Variants in RHEBL1 observed in about 807,000 individuals in gnomAD.
RHEBL1 encodes the protein RHEB like 1.
Under a neutral mutation model 27.4 loss-of-function variants are expected in RHEBL1, and 22 were observed. That is an observed-to-expected ratio of 0.80 (90% CI 0.57 to 1.15). The LOEUF is 1.15. Among genes scored for constraint, RHEBL1 ranks in the 50% most tolerant of loss-of-function variants. The pLI, the probability that RHEBL1 is intolerant of heterozygous loss-of-function variation, is 0.00. For missense variants in RHEBL1, 186 were observed against 226.5 expected (o/e 0.82, Z 1.15); for synonymous variants, 85 against 80.8 (o/e 1.05, Z -0.28).
chr12:49,066,748 A>G (rs901732770), intron 3 of RHEBL1, 47 bp from the exon 4 acceptor site: 2 of 1,551,626 alleles, frequency 1.3e-6, no homozygotes, highest in Admixed American at 1.7e-5. Flanking sequence ...AACCACTAAG[A>G]TGGCAAAGGT....
Position 49,069,831 on chromosome 12 carries a change from G to C in RHEBL1, c.-46C>G. The C allele has an allele frequency of 1.3e-6, 2 of 1,572,392 alleles. No homozygotes were observed. Among genetic ancestry groups the C allele is most frequent in the Non-Finnish European group, 1.7e-6 (2 of 1,143,586 alleles). On this transcript the variant is annotated 5_prime_UTR_variant, in exon 1 of 8. Transcript: ENST00000301068. ...GCTTGCGGAACTGCGGGCTCAGAGA[G>C]CCCGAAAACGAGGTCAGGGTGTGAG...
intron 6 of RHEBL1, among the ~76,000 whole-genome samples, chr12:49,065,923 TAAA>T (rs35940373): frequency 2.1e-5 from 3 of 143,048 alleles, no homozygotes; most frequent in East Asian, 2.0e-4. Context: ...AGACTCCGTC[TAAA>T]AAAAAAAAAA....
At position 49,066,215 on chromosome 12, in the gene RHEBL1, G is replaced by T; in HGVS notation, c.380+16C>A. The T allele has an allele frequency of 5.6e-6, 9 of 1,606,980 alleles. No homozygotes were observed. Among genetic ancestry groups the T allele is most frequent in the Non-Finnish European group, 7.7e-6 (9 of 1,173,578 alleles). On this transcript the variant is annotated intron_variant, in intron 6 of 7. Transcript: ENST00000301068. ...ATTTCACTTCCTTTTGCTCTGAGTA[G>T]CAGAGATTTACATACCTCTCTGGAG...
At chr12:49,069,584 A>AC (rs1939054548) in intron 1 of RHEBL1, 150 bp downstream of exon 1, 1 of 230,150 alleles carries the variant, frequency 4.3e-6, no homozygotes, top group South Asian at 6.5e-5. Flanking sequence ...CCAATCCTCC[A>AC]CTCTTCCATT....
chr12:49,068,784 G>A (rs908414617), intron 2 of RHEBL1, among the ~76,000 whole-genome samples: 2 of 152,180 alleles, frequency 1.3e-5, no homozygotes, highest in African/African-American at 4.8e-5. Context: ...ATCAGCTCCA[G>A]GGAGTTATCC....
chr12:49,068,172 C>G (rs1247865803), intron 2 of RHEBL1, among the ~76,000 whole-genome samples: 3 of 151,360 alleles, frequency 2.0e-5, no homozygotes, highest in Non-Finnish European at 4.4e-5. Context: ...TCTTGTTGCC[C>G]AGGCTAGAGC....
At chr12:49,067,324 A>G (rs1939014057) in intron 2 of RHEBL1, among the ~76,000 whole-genome samples, 1 of 151,486 alleles carries the variant, frequency 6.6e-6, no homozygotes, top group Non-Finnish European at 1.5e-5. Flanking sequence ...GCTGTAGAGC[A>G]GTGGCTATTC....
rs1939008828 is a variant in RHEBL1 at position 49,067,013 on chromosome 12, A to G, written c.147T>C (p.Leu49=). 1.2e-5 allele frequency: 20 copies of G among 1,613,936 alleles called. No homozygotes were observed. The highest frequency in any genetic ancestry group is 1.6e-5 in the Non-Finnish European group (19 of 1,179,890). Residue 49 remains leucine (L), a synonymous_variant, in exon 3 of 8, where the codon CTT becomes CTC. Coordinates refer to ENST00000301068, the MANE Select transcript of RHEBL1 (RefSeq NM_144593.3). The part of the protein sequence containing the change: ...VENTYSKIVT[L]GKDEFHLHLV... ...GATGTAGGTGAAACTCATCTTTGCC[A>G]AGAGTCACTATCTTGCTGTAAGCTG...
intron 1 of RHEBL1, 64 bp downstream of exon 1, chr12:49,069,670 G>A (rs1939056584): frequency 6.8e-7 from 1 of 1,466,582 alleles, no homozygotes; most frequent in Non-Finnish European, 9.6e-7. Flanking sequence ...GCGTTCCCAC[G>A]GCAGCGCGCC....
At position 49,066,479 on chromosome 12, in the gene RHEBL1, G is replaced by C. The variant is rs142176077; in HGVS notation, c.329C>G (p.Thr110Ser). 1.3e-5 allele frequency: 21 copies of C among 1,613,828 alleles called. No homozygotes were observed. Among genetic ancestry groups the C allele is most frequent in the Non-Finnish European group, 1.7e-5 (20 of 1,179,924 alleles). ...YQKLHEGHGK[T>S]RVPVVLVGNK... ...CCTATCCCCCAGGGCCACTTACCGG[G>C]TTTTCCCATGGCCTTCATGTAGCTT... Residue 110 changes from threonine (T) to serine (S), a missense_variant, in exon 5 of 8, where the codon ACC (threonine) becomes AGC (serine). Transcript: ENST00000301068.
At chr12:49,065,923 TA>T (rs35940373) in intron 6 of RHEBL1, among the ~76,000 whole-genome samples, 32,954 of 142,758 alleles carry the variant, frequency 0.23, 4,372 homozygotes, top group East Asian at 0.42. Context: ...AGACTCCGTC[TA>T]AAAAAAAAAA....
In RHEBL1 at chr12:49,066,510, A is replaced by G. The variant is rs768722325; in HGVS notation, c.298T>C (p.Tyr100His). ...LHSFQVIESL[Y>H]QKLHEGHGKT... ...CCATGGCCTTCATGTAGCTTTTGGT[A>G]CAGACTCTCAATGACTTGGAAGCTT... Residue 100 changes from tyrosine (Y) to histidine (H), a missense_variant, in exon 5 of 8, where the codon TAC (tyrosine) becomes CAC (histidine). Physicochemically the swap from Tyr to His is moderately conservative, Grantham distance 83. Coordinates refer to ENST00000301068, the MANE Select transcript of RHEBL1 (RefSeq NM_144593.3). 1.9e-6 allele frequency: 3 copies of G among 1,613,970 alleles called. No homozygotes were observed. In the African/African-American group the frequency reaches 4.0e-5, roughly 22 times the overall value.
chr12:49,065,986 G>A (rs1364342106), intron 6 of RHEBL1, among the ~76,000 whole-genome samples: 1 of 152,116 alleles, frequency 6.6e-6, no homozygotes, highest in Non-Finnish European at 1.5e-5. Flanking sequence ...CCCAAGTTTT[G>A]GGAGGAGGGC....
chr12:49,066,170 G>T, intron 6 of RHEBL1, 61 bp downstream of exon 6: 1 of 1,341,630 alleles, frequency 7.5e-7, no homozygotes, highest in Non-Finnish European at 1.1e-6. Context: ...CAGGATGAGA[G>T]CCTGACTGAT....
rs1208368371 is a variant in RHEBL1, at chr12:49,064,921, C to T, written c.*182G>A. On this transcript the variant is annotated 3_prime_UTR_variant, in exon 8 of 8. Transcript: ENST00000301068. Reference sequence around the variant, plus strand: ...TGAGAGGTCCTTGCCCCTTTGTAAACATTGACATCCAGGCCACTGGAGCCT... The same window carrying T: ...TGAGAGGTCCTTGCCCCTTTGTAAATATTGACATCCAGGCCACTGGAGCCT... The T allele has an allele frequency of 1.5e-5, 9 of 599,902 alleles. No homozygotes were observed. Among genetic ancestry groups the T allele is most frequent in the Non-Finnish European group, 2.7e-5 (9 of 335,004 alleles). 37.2% of individuals were successfully genotyped at this position (599,902 alleles called of 1,614,324 possible).
intron 6 of RHEBL1, among the ~76,000 whole-genome samples, chr12:49,065,795 C>T (rs557083122): frequency 9.2e-4 from 140 of 152,024 alleles, no homozygotes; most frequent in African/African-American, 2.9e-3. Flanking sequence ...CGTGGTGGCA[C>T]GCGCCTGTAG....
At chr12:49,065,605 A>G (rs1001240129) in intron 6 of RHEBL1, among the ~76,000 whole-genome samples, 174 bp from the exon 7 acceptor site, 2 of 151,844 alleles carry the variant, frequency 1.3e-5, no homozygotes, top group African/African-American at 2.4e-5. Flanking sequence ...ACCAGCCTGG[A>G]CAACACAGGG....
chr12:49,066,269 C>T lies in RHEBL1; in HGVS notation c.342G>A (p.Val114=), dbSNP rs1383797485. The T allele has an allele frequency of 6.2e-7, 1 of 1,613,938 alleles. No individual in the cohort carries two copies. The highest frequency in any genetic ancestry group is 2.2e-5 in the East Asian group (1 of 44,886). The change falls in exon 6 of 8, where the codon GTG becomes GTA. Residue 114 remains valine (V), a synonymous_variant. Transcript: ENST00000301068. ...HEGHGKTRVP[V]VLVGNKADLS... ...GATCTGCCTTGTTCCCCACTAGAAC[C>T]ACTGGCACCCTGTGAGGAAACAGCA...
intron 2 of RHEBL1, among the ~76,000 whole-genome samples, chr12:49,068,311 A>C (rs1420466941): frequency 6.6e-6 from 1 of 150,458 alleles, no homozygotes; most frequent in African/African-American, 2.4e-5. Flanking sequence ...TTGTATTTTT[A>C]GTAGAGACGG....
Sources: gnomAD v4.1 joint callset for allele counts (sites outside exome capture counted in the v4.1 genomes callset) on GRCh38, gnomAD v4.1.1 for gene constraint, MANE v1.5 for transcripts, NCBI Gene and HGNC (gene_info 2026-07-23, HGNC 2026-07-21) for gene names.